Variants in CDK13 observed in about 807,000 individuals in gnomAD.
CDK13 encodes the protein cyclin-dependent kinase 13.
Under a neutral mutation model 137.6 loss-of-function variants are expected in CDK13, and 40 were observed. The ratio of observed to expected loss-of-function variants is 0.29; its 90% CI spans 0.23 to 0.38. CDK13 has a LOEUF of 0.38. Among genes scored for constraint, CDK13 ranks in the 10% least tolerant of loss-of-function variants. The probability of loss-of-function intolerance (pLI) is 1.00; values close to 1 mark genes in which losing one functional copy is unlikely to be tolerated. For synonymous variants in CDK13, 869 were observed against 760.1 expected (o/e 1.14, Z -2.36); for missense variants, 1,704 against 1,951.8 (o/e 0.87, Z 2.39).
intron 7 of CDK13, among the ~76,000 whole-genome samples, chr7:40,053,221 C>T (rs1229860544): frequency 6.6e-6 from 1 of 152,138 alleles, no homozygotes; most frequent in East Asian, 1.9e-4. Context: ...GATCTTTCTT[C>T]TGGTCTCCAG....
At chr7:40,029,701 G>T (rs1433313654) in intron 5 of CDK13, among the ~76,000 whole-genome samples, 1 of 151,642 alleles carries the variant, frequency 6.6e-6, no homozygotes, top group Non-Finnish European at 1.5e-5. Context: ...TGCCCAGGCT[G>T]GAGTACAGTG....
intron 5 of CDK13, among the ~76,000 whole-genome samples, chr7:40,042,477 CTTTTTTTTTTTTT>C (rs5883713): frequency 7.9e-5 from 6 of 76,146 alleles, no homozygotes; most frequent in South Asian, 5.1e-4. Context: ...TCTTTTCTTT[CTTTTTTTTTTTTT>C]TTTTTTTTTG....
intron 1 of CDK13, among the ~76,000 whole-genome samples, chr7:39,979,820 G>C (rs1487829348): frequency 6.6e-6 from 1 of 152,126 alleles, no homozygotes; most frequent in African/African-American, 2.4e-5. Flanking sequence ...AGAGGCTGTA[G>C]GGTCTAGTCA....
Position 40,093,173 on chromosome 7 carries a change from T to C in CDK13, c.3624T>C (p.Asn1208=). ...QKDVLLEERE[N]GSGHEASLQL... is the part of the protein sequence containing the mutation. The stretch of plus-strand genomic sequence containing the variant: ...ATGTGCTACTAGAAGAGAGGGAAAA[T>C]GGATCGGGACATGAAGCGTCATTAC... Residue 1208 remains asparagine, a synonymous_variant, in exon 13 of 14, where the codon AAT becomes AAC. Coordinates refer to ENST00000181839, the MANE Select transcript of CDK13 (RefSeq NM_003718.5). 2 of 1,614,014 alleles carry C rather than the reference T, an allele frequency of 1.2e-6. No homozygotes were observed. Among genetic ancestry groups the C allele is most frequent in the South Asian group, 1.1e-5 (1 of 91,082 alleles).
intron 5 of CDK13, among the ~76,000 whole-genome samples, chr7:40,008,079 G>A (rs1322405092): frequency 6.6e-6 from 1 of 152,182 alleles, no homozygotes; most frequent in Non-Finnish European, 1.5e-5. Context: ...TATTCCCGCA[G>A]TTTAGAACTG....
At chr7:40,086,809 C>CTTTT (rs35337864) in intron 11 of CDK13, among the ~76,000 whole-genome samples, 13 of 122,488 alleles carry the variant, frequency 1.1e-4, no homozygotes, top group East Asian at 7.7e-4. Flanking sequence ...TAGCCTTACT[C>CTTTT]TTTTTTTTTT....
intron 9 of CDK13, chr7:40,071,769 G>C (rs1384364459): frequency 6.6e-6 from 1 of 152,046 alleles, no homozygotes; most frequent in Non-Finnish European, 1.5e-5. Flanking sequence ...GAGGATATAA[G>C]TTTTCTAATA....
Position 40,093,272 on chromosome 7 carries a change from G to A in CDK13, c.3688+35G>A, listed in dbSNP as rs976166514. ...CAGATACCAGACCACTAACACAGCT[G>A]CATTACATTGTCTACTCAGTGTTGC... On this transcript the variant is annotated intron_variant, in intron 13 of 13. Transcript: ENST00000181839. The A allele has an allele frequency of 6.0e-6, 9 of 1,489,102 alleles. No homozygotes were observed. The African/African-American group carries it at 1.2e-4, about 20-fold the overall frequency. 92.2% of individuals were successfully genotyped at this position (1,489,102 alleles called of 1,614,324 possible). A position where few individuals can be genotyped will look rare whatever the true frequency, so the allele number is the denominator to read the frequency against.
At position 40,077,992 on chromosome 7, in the gene CDK13, G is replaced by GT; in HGVS notation, c.2781-12dup. On this transcript the variant is annotated splice_polypyrimidine_tract_variant and intron_variant, in intron 9 of 13. Coordinates refer to ENST00000181839, the MANE Select transcript of CDK13 (RefSeq NM_003718.5). ...AGTTGATAGTGATGTACTTCCTTTT[G>GT]TGTGTTGCTTAGCCGAATATGTGGG... 1 of 1,302,204 alleles carries GT rather than the reference G, an allele frequency of 7.7e-7. No homozygotes were observed. The highest frequency in any genetic ancestry group is 1.1e-6 in the Non-Finnish European group (1 of 946,148). The allele number at this position is 1,302,204 out of a possible 1,614,324, so 80.7% of individuals were successfully genotyped here.
chr7:39,999,994 A>G (rs1784649887), intron 4 of CDK13, among the ~76,000 whole-genome samples: 1 of 152,206 alleles, frequency 6.6e-6, no homozygotes, highest in African/African-American at 2.4e-5. Flanking sequence ...CAGGAGAGCA[A>G]AAAGTAGCTG....
rs368028761 is a variant in CDK13 at position 40,063,131 on chromosome 7, T to C, written c.2780+31T>C. The C allele has an allele frequency of 6.2e-4, 923 of 1,498,574 alleles. 10 individuals carry two copies. The South Asian group carries it at 9.9e-3, about 16-fold the overall frequency. The allele number at this position is 1,498,574 out of a possible 1,614,324, so 92.8% of individuals were successfully genotyped here. A position where few individuals can be genotyped will look rare whatever the true frequency, so the allele number is the denominator to read the frequency against. On this transcript the variant is annotated intron_variant, in intron 9 of 13. Transcript: ENST00000181839. ...CTGCTGATTATAATATTGGTGGGAA[T>C]TGGGAGAGTGTCATACTCCACAGGA...
At chr7:40,091,360 T>A (rs1786919201) in intron 12 of CDK13, among the ~76,000 whole-genome samples, 1 of 139,914 alleles carries the variant, frequency 7.1e-6, no homozygotes, top group Admixed American at 7.1e-5. Flanking sequence ...AAAAAATAAA[T>A]AAATAAAACA....
intron 5 of CDK13, among the ~76,000 whole-genome samples, chr7:40,031,656 T>C (rs935019291): frequency 2.0e-4 from 31 of 152,086 alleles, no homozygotes; most frequent in African/African-American, 7.2e-4. Flanking sequence ...CTTTTTTCTT[T>C]TATTTTGGAG....
chr7:39,971,802 G>C (rs1784005090), intron 1 of CDK13, among the ~76,000 whole-genome samples: 1 of 152,146 alleles, frequency 6.6e-6, no homozygotes, highest in Admixed American at 6.5e-5. Flanking sequence ...AGAATCACTT[G>C]AACCTGGGAG....
intron 1 of CDK13, among the ~76,000 whole-genome samples, chr7:39,977,201 G>A (rs1784130203): frequency 6.6e-6 from 1 of 152,132 alleles, no homozygotes; most frequent in African/African-American, 2.4e-5. Context: ...CCAGTATGTG[G>A]GAATATAAAG....
At chr7:40,060,182 A>G (rs902248125) in intron 7 of CDK13, among the ~76,000 whole-genome samples, 3 of 152,204 alleles carry the variant, frequency 2.0e-5, no homozygotes. Flanking sequence ...AATATATAAA[A>G]TAATCTTTTA....
At chr7:40,087,018 C>G (rs1199950631) in intron 11 of CDK13, among the ~76,000 whole-genome samples, 1 of 151,960 alleles carries the variant, frequency 6.6e-6, no homozygotes, top group Non-Finnish European at 1.5e-5. Flanking sequence ...GTTGCCCATG[C>G]TGGTGAACTC....
chr7:40,088,087 G>C (rs1786830625), intron 11 of CDK13, 39 bp from the exon 12 acceptor site: 1 of 1,562,830 alleles, frequency 6.4e-7, no homozygotes, highest in Non-Finnish European at 8.8e-7. Context: ...TTTTTGTTAA[G>C]AAATGCCATT....
intron 1 of CDK13, among the ~76,000 whole-genome samples, chr7:39,980,290 A>T (rs568497342): frequency 6.6e-6 from 1 of 152,196 alleles, no homozygotes; most frequent in African/African-American, 2.4e-5. Flanking sequence ...ATGTTACAGG[A>T]GGGTATATTT....
Sources: allele counts gnomAD v4.1 joint callset (sites outside exome capture counted in the v4.1 genomes callset), GRCh38; gene constraint gnomAD v4.1.1; transcripts MANE v1.5; gene names NCBI Gene and HGNC (gene_info 2026-07-23, HGNC 2026-07-21).